The following PLCE1 variants were observed in gnomAD, a reference collection of about 807,000 sequenced individuals.
The protein encoded by PLCE1 is 1-phosphatidylinositol 4,5-bisphosphate phosphodiesterase epsilon-1.
In PLCE1, 119 loss-of-function variants were observed where a neutral mutation model predicts 242.8. The ratio of observed to expected loss-of-function variants is 0.49; its 90% CI spans 0.42 to 0.57. The LOEUF is 0.57. Ranked by LOEUF, PLCE1 falls within the 20% of genes least tolerant of loss-of-function variation. The probability of loss-of-function intolerance (pLI) is 0.00; values close to 1 mark genes in which losing one functional copy is unlikely to be tolerated. For missense variants in PLCE1, 2,441 were observed against 2,788.8 expected, an observed-to-expected ratio of 0.88 and a Z score of 2.81; for synonymous variants, 945 against 1,017.4, an observed-to-expected ratio of 0.93 and a Z score of 1.35.
At chr10:94,219,836 A>C (rs1273527424) in intron 4 of PLCE1, among the ~76,000 whole-genome samples, 1 of 152,186 alleles carries the variant, frequency 6.6e-6, no homozygotes, top group Non-Finnish European at 1.5e-5. Context: ...TTGAAAGCCA[A>C]AAAGAGATTT....
rs749369149 is a variant in PLCE1 at position 94,254,291 on chromosome 10, T to C, written c.3381T>C (p.Asn1127=). ...GTGGTTCTGATCCTCAAGACATTAA[T>C]GAACAAGAAGAATCAGGTAAAGCGG... ...SRSGSDPQDI[N]EQEESEVNAI... is the part of the protein sequence containing the mutation. The change falls in exon 10 of 33, where the codon AAT becomes AAC. Residue 1127 remains asparagine (N), a synonymous_variant. Coordinates refer to ENST00000371380, the MANE Select transcript of PLCE1 (RefSeq NM_016341.4). 4 of 1,611,308 alleles carry C rather than the reference T, an allele frequency of 2.5e-6. No individual in the cohort carries two copies. The South Asian group carries it at 4.4e-5, about 18-fold the overall frequency.
rs2052712614 is a variant in PLCE1 at position 94,293,647 on chromosome 10, C to CACT, written c.5167+9_5167+11dup. ...ACAAAACATCTGGAAAAAGTAAAGT[C>CACT]ACTTTCTTACAATATCTTTGCTTGA... On this transcript the variant is annotated intron_variant, in intron 23 of 32. Transcript: ENST00000371380. The CACT allele has an allele frequency of 6.2e-7, 1 of 1,612,828 alleles. No homozygotes were observed. Among genetic ancestry groups the CACT allele is most frequent in the African/African-American group, 1.3e-5 (1 of 74,882 alleles).
chr10:94,070,837 A>G (rs1175649800), intron 2 of PLCE1, among the ~76,000 whole-genome samples: 4 of 152,110 alleles, frequency 2.6e-5, no homozygotes, highest in African/African-American at 9.7e-5. Flanking sequence ...ATACAGGCTC[A>G]ATTCCCATAT....
chr10:94,226,831 C>CTCTTTTTTTTTTTTTT (rs67656949), intron 4 of PLCE1, among the ~76,000 whole-genome samples: 1 of 101,818 alleles, frequency 9.8e-6, no homozygotes, highest in East Asian at 2.7e-4. Flanking sequence ...ACCTATAGGT[C>CTCTTTTTTTTTTTTTT]TTTTTTTTTT....
intron 29 of PLCE1, among the ~76,000 whole-genome samples, chr10:94,321,646 A>AC (rs949518224): frequency 2.2e-4 from 33 of 148,964 alleles, no homozygotes; most frequent in Non-Finnish European, 3.6e-4. Context: ...AAAAAAAAAA[A>AC]CCCACAGCTA....
intron 4 of PLCE1, among the ~76,000 whole-genome samples, chr10:94,177,935 G>A (rs943785860): frequency 3.9e-5 from 6 of 152,150 alleles, no homozygotes; most frequent in East Asian, 1.9e-4. Flanking sequence ...TTGGTGGAAC[G>A]TGGAGTGAGG....
intron 3 of PLCE1, among the ~76,000 whole-genome samples, chr10:94,160,537 A>G (rs1316549497): frequency 6.6e-6 from 1 of 152,144 alleles, no homozygotes; most frequent in Non-Finnish European, 1.5e-5. Context: ...TCAGATGAGT[A>G]GATTGCAAAA....
At chr10:94,218,864 T>C (rs1313148326) in intron 4 of PLCE1, among the ~76,000 whole-genome samples, 2 of 142,888 alleles carry the variant, frequency 1.4e-5, no homozygotes, top group East Asian at 4.1e-4. Context: ...AATCATACTT[T>C]TATATATAAT....
At chr10:94,285,281 C>T (rs893112067) in intron 22 of PLCE1, among the ~76,000 whole-genome samples, 14 of 152,050 alleles carry the variant, frequency 9.2e-5, no homozygotes, top group African/African-American at 2.9e-4. Context: ...TGCTATTTTA[C>T]GTACATCTCC....
chr10:94,212,148 G>A (rs571295566), intron 4 of PLCE1, among the ~76,000 whole-genome samples: 21 of 152,252 alleles, frequency 1.4e-4, no homozygotes, highest in African/African-American at 4.6e-4. Flanking sequence ...GTGCAGTGGC[G>A]TGATCTCGGC....
chr10:94,182,557 A>G (rs1400506881), intron 4 of PLCE1, among the ~76,000 whole-genome samples: 1 of 151,862 alleles, frequency 6.6e-6, no homozygotes, highest in Non-Finnish European at 1.5e-5. Flanking sequence ...AGCCTGAGCT[A>G]CCATGCCTGG....
chr10:94,075,582 T>C (rs1336533853), intron 2 of PLCE1, among the ~76,000 whole-genome samples: 1 of 152,228 alleles, frequency 6.6e-6, no homozygotes, highest in East Asian at 1.9e-4. Context: ...AAAGCATTGG[T>C]ATCGGTGTCT....
rs147750505 is a variant in PLCE1 at position 94,164,785 on chromosome 10, T to C, written c.1493-6395T>C. 2.0e-3 allele frequency among the ~76,000 whole-genome samples: 312 copies of C among 152,340 alleles called. 3 individuals are homozygous for C. The highest frequency in any genetic ancestry group is 6.5e-3 in the African/African-American group (269 of 41,572). Reference sequence around the variant, plus strand: ...TGTGTTTTTATCTACCTTTGGTCTTTGATGATGTGACGTACAGATGGGGTT... The same window carrying C: ...TGTGTTTTTATCTACCTTTGGTCTTCGATGATGTGACGTACAGATGGGGTT... On this transcript the variant is annotated intron_variant, in intron 3 of 32. Coordinates refer to ENST00000371380, the MANE Select transcript of PLCE1 (RefSeq NM_016341.4).
chr10:94,282,717 CTTTG>C (rs1232912736), intron 20 of PLCE1, among the ~76,000 whole-genome samples: 1 of 152,040 alleles, frequency 6.6e-6, no homozygotes, highest in Non-Finnish European at 1.5e-5. Context: ...TGCTTCATGC[CTTTG>C]TTTAATTTAT....
At chr10:94,122,591 A>G (rs7077523) in intron 2 of PLCE1, among the ~76,000 whole-genome samples, 128,045 of 152,158 alleles carry the variant, frequency 0.84, 56,667 homozygotes, top group South Asian at 0.97. Context: ...TTTGCCCTGT[A>G]CTGGATTCTG....
intron 28 of PLCE1, among the ~76,000 whole-genome samples, chr10:94,314,417 G>A (rs1184865786): frequency 6.6e-6 from 1 of 152,146 alleles, no homozygotes; most frequent in East Asian, 1.9e-4. Context: ...GGCCAACATG[G>A]TGAAACCCCA....
rs140515110 is a variant in PLCE1 at position 94,308,981 on chromosome 10, G to T, written c.6003+282G>T. On this transcript the variant is annotated intron_variant, in intron 27 of 32. Coordinates refer to ENST00000371380, the MANE Select transcript of PLCE1 (RefSeq NM_016341.4). ...GAGGTCACACAGCTAGCAAGCAGCA[G>T]TCCAGGATTTACACCCAAGTTCCAG... Among the ~76,000 whole-genome samples the T allele has an allele frequency of 2.6e-5, 4 of 152,312 alleles. No individual in the cohort carries two copies. In the East Asian group the frequency reaches 7.7e-4, roughly 29 times the overall value.
At chr10:94,200,245 A>G (rs1564782858) in intron 4 of PLCE1, among the ~76,000 whole-genome samples, 1 of 152,190 alleles carries the variant, frequency 6.6e-6, no homozygotes, top group Admixed American at 6.5e-5. Flanking sequence ...TTCTCCAATT[A>G]AAAGGAACCA....
chr10:94,073,525 T>C (rs915039080), intron 2 of PLCE1, among the ~76,000 whole-genome samples: 1 of 152,004 alleles, frequency 6.6e-6, no homozygotes, highest in East Asian at 1.9e-4. Context: ...GAGAAGACAG[T>C]TAAAACCAGT....
Sources: allele counts gnomAD v4.1 joint callset (sites outside exome capture counted in the v4.1 genomes callset), GRCh38; gene constraint gnomAD v4.1.1; transcripts MANE v1.5; gene names NCBI Gene and HGNC (gene_info 2026-07-23, HGNC 2026-07-21).